ARL15: variants seen among roughly 807,000 people sequenced by gnomAD.
ARL15 encodes ADP-ribosylation factor-like protein 15.
In ARL15, 19 loss-of-function variants were observed where a neutral mutation model predicts 25.2. That is an observed-to-expected ratio of 0.75 (90% CI 0.53 to 1.10). The LOEUF is 1.10. ARL15 is among the 50% of genes least tolerant of loss of function. ARL15 has a pLI of 0.00. For synonymous variants in ARL15, 94 were observed against 86.8 expected, an observed-to-expected ratio of 1.08 and a Z score of -0.46; for missense variants, 220 against 246.0, an observed-to-expected ratio of 0.89 and a Z score of 0.71.
intron 2 of ARL15, among the ~76,000 whole-genome samples, chr5:54,168,338 A>G (rs1161398506): frequency 4.0e-5 from 6 of 151,520 alleles, no homozygotes. Flanking sequence ...AAACCTCAAA[A>G]TCAGCATGCC....
At chr5:54,264,917 T>C (rs1041955675) in intron 1 of ARL15, among the ~76,000 whole-genome samples, 10 of 152,198 alleles carry the variant, frequency 6.6e-5, no homozygotes, top group Non-Finnish European at 1.2e-4. Context: ...CCATCTTTAT[T>C]GTTTACTGTG....
chr5:54,058,643 C>T (rs1750963986), intron 4 of ARL15, among the ~76,000 whole-genome samples: 1 of 152,126 alleles, frequency 6.6e-6, no homozygotes, highest in Admixed American at 6.5e-5. Flanking sequence ...TAAGATTACC[C>T]GTGTCAGGTT....
chr5:54,141,141 C>T (rs964774209), intron 3 of ARL15, among the ~76,000 whole-genome samples: 4 of 151,344 alleles, frequency 2.6e-5, no homozygotes, highest in Non-Finnish European at 4.4e-5. Flanking sequence ...TATAATGAAT[C>T]TGTCATTTTT....
intron 4 of ARL15, among the ~76,000 whole-genome samples, chr5:54,043,234 A>C (rs1348867817): frequency 1.3e-5 from 2 of 152,070 alleles, no homozygotes; most frequent in African/African-American, 4.8e-5. Context: ...TATACATTAA[A>C]AATAGTATTA....
At position 53,992,990 on chromosome 5, in the gene ARL15, G is replaced by A. The variant is rs150851862; in HGVS notation, c.463-106277C>T. 3.4e-3 allele frequency among the ~76,000 whole-genome samples: 524 copies of A among 151,936 alleles called. 1 individual carries two copies. Among genetic ancestry groups the A allele is most frequent in the African/African-American group, 0.012 (501 of 41,440 alleles). On this transcript the variant is annotated intron_variant, in intron 4 of 4. Coordinates refer to ENST00000504924, the MANE Select transcript of ARL15 (RefSeq NM_019087.3). Reference sequence around the variant, plus strand: ...GAACCCGGGAGGTGGAAGTTGCTGTGAGCCAAGATGGCGCCATTGCACTCT... The same window carrying A: ...GAACCCGGGAGGTGGAAGTTGCTGTAAGCCAAGATGGCGCCATTGCACTCT...
At chr5:53,989,473 C>A (rs926700275) in intron 4 of ARL15, among the ~76,000 whole-genome samples, 1 of 152,148 alleles carries the variant, frequency 6.6e-6, no homozygotes, top group Non-Finnish European at 1.5e-5. Context: ...AGTCAATAAT[C>A]ACCCTGAGCA....
chr5:54,201,970 T>C (rs1237971594), intron 1 of ARL15, among the ~76,000 whole-genome samples: 1 of 152,108 alleles, frequency 6.6e-6, no homozygotes, highest in African/African-American at 2.4e-5. Context: ...CAAGAAGGAA[T>C]TCCCTCACAG....
At chr5:54,292,152 T>G (rs1212589771) in intron 1 of ARL15, among the ~76,000 whole-genome samples, 1 of 152,126 alleles carries the variant, frequency 6.6e-6, no homozygotes, top group Non-Finnish European at 1.5e-5. Context: ...GGGATACCAC[T>G]TTTTCCTAAG....
chr5:54,099,284 A>G (rs1176548012), intron 4 of ARL15, among the ~76,000 whole-genome samples: 1 of 152,202 alleles, frequency 6.6e-6, no homozygotes, highest in Admixed American at 6.5e-5. Flanking sequence ...AACATCTTAA[A>G]GAACAAGACT....
intron 1 of ARL15, among the ~76,000 whole-genome samples, chr5:54,211,827 G>A (rs548226059): frequency 6.6e-6 from 1 of 152,136 alleles, no homozygotes; most frequent in Admixed American, 6.5e-5. Context: ...GATAATCAGA[G>A]AGTTCAGGAA....
intron 4 of ARL15, among the ~76,000 whole-genome samples, chr5:54,099,930 C>T (rs1243485956): frequency 6.6e-6 from 1 of 152,118 alleles, no homozygotes; most frequent in Non-Finnish European, 1.5e-5. Flanking sequence ...CCCAGTCTTA[C>T]TGTTTGTCAT....
chr5:53,961,552 A>G (rs1198221865), intron 4 of ARL15, among the ~76,000 whole-genome samples: 2 of 151,772 alleles, frequency 1.3e-5, no homozygotes, highest in Non-Finnish European at 2.9e-5. Flanking sequence ...ATATTTTAAA[A>G]TTTACTAGTT....
intron 1 of ARL15, among the ~76,000 whole-genome samples, chr5:54,197,233 T>C (rs1386920626): frequency 1.3e-5 from 2 of 152,122 alleles, no homozygotes; most frequent in African/African-American, 2.4e-5. Context: ...TGGCAATTCA[T>C]TGTAAAAAAG....
chr5:53,903,253 G>A (rs1745126424), intron 4 of ARL15, among the ~76,000 whole-genome samples: 1 of 152,168 alleles, frequency 6.6e-6, no homozygotes, highest in South Asian at 2.1e-4. Context: ...CACAGCATTG[G>A]GAGTGTGGCC....
At chr5:54,083,725 A>C (rs1285907956) in intron 4 of ARL15, among the ~76,000 whole-genome samples, 2 of 152,194 alleles carry the variant, frequency 1.3e-5, no homozygotes, top group Non-Finnish European at 2.9e-5. Flanking sequence ...TTCCTAAAGT[A>C]AATCGATAAC....
intron 4 of ARL15, among the ~76,000 whole-genome samples, chr5:54,044,549 C>G (rs1750449470): frequency 6.6e-6 from 1 of 152,122 alleles, no homozygotes; most frequent in African/African-American, 2.4e-5. Flanking sequence ...CCGGCCAAAA[C>G]AGGCCTTTAT....
intron 4 of ARL15, among the ~76,000 whole-genome samples, chr5:54,006,789 T>A (rs770113520): frequency 5.9e-5 from 9 of 152,048 alleles, no homozygotes; most frequent in Non-Finnish European, 5.9e-5. Flanking sequence ...GCATTGTCCA[T>A]GTGAAGGTTA....
chr5:54,221,263 T>A (rs889228261), intron 1 of ARL15, among the ~76,000 whole-genome samples: 4 of 152,166 alleles, frequency 2.6e-5, no homozygotes, highest in African/African-American at 4.8e-5. Context: ...GGAAATGAAA[T>A]GATTTTATGA....
intron 1 of ARL15, among the ~76,000 whole-genome samples, chr5:54,278,804 A>G (rs1186600235): frequency 6.6e-6 from 1 of 152,214 alleles, no homozygotes; most frequent in East Asian, 1.9e-4. Flanking sequence ...TGTCTACTCC[A>G]AACCTCAGTG....
Sources: gnomAD v4.1 joint callset for allele counts (sites outside exome capture counted in the v4.1 genomes callset) on GRCh38, gnomAD v4.1.1 for gene constraint, MANE v1.5 for transcripts, NCBI Gene and HGNC (gene_info 2026-07-23, HGNC 2026-07-21) for gene names.